ZBTB16: variants seen among roughly 807,000 people sequenced by gnomAD.
The protein encoded by ZBTB16 is zinc finger and BTB domain containing 16, also known as zinc finger and BTB domain-containing protein 16.
ZBTB16 carries 8 observed loss-of-function variants against 56.8 expected under a neutral mutation model. The observed-to-expected ratio is 0.14, with a 90% CI of 0.08 to 0.25. The LOEUF is 0.25. Ranked by LOEUF, ZBTB16 falls within the 10% of genes least tolerant of loss-of-function variation. ZBTB16 has a pLI of 1.00. For missense variants in ZBTB16, 625 were observed against 903.0 expected (o/e 0.69, Z 3.95); for synonymous variants, 363 against 368.5 (o/e 0.98, Z 0.17).
chr11:114,168,850 A>C (rs1240739061), intron 3 of ZBTB16, among the ~76,000 whole-genome samples: 1 of 152,114 alleles, frequency 6.6e-6, no homozygotes, highest in African/African-American at 2.4e-5. Flanking sequence ...TGTGCCTTGC[A>C]CCTGTGCCAC....
intron 5 of ZBTB16, among the ~76,000 whole-genome samples, chr11:114,244,342 G>T (rs1285358351): frequency 6.8e-6 from 1 of 146,602 alleles, no homozygotes; most frequent in African/African-American, 2.5e-5. Context: ...CAGTGCCAGA[G>T]AAAGCACCAA....
chr11:114,064,293 G>C lies in ZBTB16; in HGVS notation c.993G>C (p.Leu331=). 1 of 1,614,110 alleles carries C rather than the reference G, an allele frequency of 6.2e-7. No individual in the cohort carries two copies. Among genetic ancestry groups the C allele is most frequent in the Non-Finnish European group, 8.5e-7 (1 of 1,180,036 alleles). Residue 331 remains leucine (L), a synonymous_variant, in exon 2 of 7, where the codon CTG becomes CTC. Coordinates refer to ENST00000335953, the MANE Select transcript of ZBTB16 (RefSeq NM_006006.6). The surrounding 1 kb of genome is among the most constrained non-coding windows in gnomAD (Gnocchi z 4.2). ...EHPAPPPEKH[L]GIYSVLPNHK... ...CAGCACCCCCGCCTGAGAAGCATCT[G>C]GGCATCTACTCCGTGTTGCCCAACC...
chr11:114,061,796 AACTC>A (rs1306886136), intron 1 of ZBTB16, among the ~76,000 whole-genome samples: 5 of 152,038 alleles, frequency 3.3e-5, no homozygotes, highest in Non-Finnish European at 5.9e-5. Context: ...TACTGGTTGT[AACTC>A]ACACCACAGG....
intron 2 of ZBTB16, among the ~76,000 whole-genome samples, chr11:114,139,468 C>T (rs1336303865): frequency 6.6e-6 from 1 of 152,142 alleles, no homozygotes; most frequent in East Asian, 1.9e-4. Flanking sequence ...AGTTTCTTGA[C>T]GATTTTCTAA....
chr11:114,156,263 C>A (rs1942406309), intron 2 of ZBTB16, 74 bp from the exon 3 acceptor site: 2 of 1,489,562 alleles, frequency 1.3e-6, no homozygotes, highest in African/African-American at 1.4e-5. Flanking sequence ...GGCTGCCAAG[C>A]CCCCAGGTAG....
intron 4 of ZBTB16, among the ~76,000 whole-genome samples, chr11:114,232,198 C>T (rs1302809960): frequency 6.6e-6 from 1 of 152,154 alleles, no homozygotes; most frequent in Non-Finnish European, 1.5e-5. Flanking sequence ...TCTTGCAGTG[C>T]TCATGCAACC....
rs151176434 is a variant in ZBTB16, at chr11:114,168,054, A to G, written c.1366+11620A>G. ...TATGGCACCTGTCACCTTCTTTGTT[A>G]CATAGCTATTTATTTGCTTGGCCTT... On this transcript the variant is annotated intron_variant, in intron 3 of 6. Transcript: ENST00000335953. Among the ~76,000 whole-genome samples the G allele has an allele frequency of 2.5e-3, 379 of 152,322 alleles. 7 individuals are homozygous for G. The highest frequency in any genetic ancestry group is 0.014 in the Middle Eastern group (4 of 294).
intron 2 of ZBTB16, among the ~76,000 whole-genome samples, chr11:114,119,958 C>G (rs1321120558): frequency 6.6e-6 from 1 of 152,180 alleles, no homozygotes; most frequent in African/African-American, 2.4e-5. Context: ...GAGTTGTTCA[C>G]TCTAGACTGA....
At chr11:114,243,132 C>T (rs574769229) in intron 5 of ZBTB16, among the ~76,000 whole-genome samples, 2 of 152,310 alleles carry the variant, frequency 1.3e-5, no homozygotes, top group African/African-American at 2.4e-5. Flanking sequence ...GCTTAAATTC[C>T]TTATTTTCTC....
chr11:114,171,728 T>C (rs2135012688), intron 3 of ZBTB16, among the ~76,000 whole-genome samples: 1 of 152,362 alleles, frequency 6.6e-6, no homozygotes, highest in African/African-American at 2.4e-5. Flanking sequence ...TATTTTTTTT[T>C]CCTACTCTCC....
chr11:114,160,271 T>G (rs1222026443), intron 3 of ZBTB16, among the ~76,000 whole-genome samples: 1 of 152,074 alleles, frequency 6.6e-6, no homozygotes, highest in Non-Finnish European at 1.5e-5. Context: ...TTTTTTCTAA[T>G]CTGGTTGGGG....
At position 114,195,955 on chromosome 11, in the gene ZBTB16, G is replaced by A. The variant is rs563841847; in HGVS notation, c.1453+8917G>A. 3.9e-4 allele frequency among the ~76,000 whole-genome samples: 60 copies of A among 152,266 alleles called. 1 individual carries two copies. Among genetic ancestry groups the A allele is most frequent in the Admixed American group, 3.9e-3 (59 of 15,298 alleles). ...CCGGCCAAGAGGACATTTGCAATGT[G>A]CCCACTGAGTTAACAGCCACTGGGG... On this transcript the variant is annotated intron_variant, in intron 4 of 6. Coordinates refer to ENST00000335953, the MANE Select transcript of ZBTB16 (RefSeq NM_006006.6).
chr11:114,225,428 C>T (rs1169868351), intron 4 of ZBTB16, among the ~76,000 whole-genome samples: 1 of 152,084 alleles, frequency 6.6e-6, no homozygotes, highest in Non-Finnish European at 1.5e-5. Flanking sequence ...GTATACAGAA[C>T]AAAAATGTAT....
intron 2 of ZBTB16, among the ~76,000 whole-genome samples, chr11:114,089,857 C>T (rs920079751): frequency 3.9e-5 from 6 of 152,296 alleles, no homozygotes; most frequent in African/African-American, 4.8e-5. Flanking sequence ...GTGTGTGCCA[C>T]GTAAAGGTTC....
intron 4 of ZBTB16, among the ~76,000 whole-genome samples, chr11:114,229,752 A>C (rs189444790): frequency 7.9e-5 from 12 of 152,204 alleles, no homozygotes; most frequent in Non-Finnish European, 1.8e-4. Context: ...GAGTTAGCTA[A>C]AAGAGAGTTC....
intron 2 of ZBTB16, among the ~76,000 whole-genome samples, chr11:114,142,474 A>G (rs181548991): frequency 6.6e-6 from 1 of 152,368 alleles, no homozygotes; most frequent in Admixed American, 6.5e-5. Context: ...GGTGATTTAT[A>G]GGGCAGCATG....
chr11:114,233,125 A>ACACTCTCT (rs1443230792), intron 4 of ZBTB16, among the ~76,000 whole-genome samples: 1 of 54,720 alleles, frequency 1.8e-5, no homozygotes, highest in Non-Finnish European at 4.2e-5. Flanking sequence ...ACACACACAC[A>ACACTCTCT]CTCTCTCTCT....
At chr11:114,146,983 CAAT>C (rs1380395583) in intron 2 of ZBTB16, among the ~76,000 whole-genome samples, 1 of 151,852 alleles carries the variant, frequency 6.6e-6, no homozygotes, top group Non-Finnish European at 1.5e-5. Flanking sequence ...ATTAAAATGA[CAAT>C]AATGTTTACA....
chr11:114,076,390 A>C (rs1050378663), intron 2 of ZBTB16, among the ~76,000 whole-genome samples: 1 of 152,294 alleles, frequency 6.6e-6, no homozygotes, highest in East Asian at 1.9e-4. Flanking sequence ...TCACGGAGGC[A>C]AGTTCTCACC....
Sources: gnomAD v4.1 joint callset for allele counts (sites outside exome capture counted in the v4.1 genomes callset) on GRCh38, gnomAD v4.1.1 for gene constraint, Gnocchi (gnomAD v3.1) non-coding constraint, MANE v1.5 for transcripts, NCBI Gene and HGNC (gene_info 2026-07-23, HGNC 2026-07-21) for gene names.